The following TTLL11 variants were observed in gnomAD, a reference collection of about 807,000 sequenced individuals.
The protein encoded by TTLL11 is tubulin polyglutamylase TTLL11.
In TTLL11, 42 loss-of-function variants were observed where a neutral mutation model predicts 51.7. The ratio of observed to expected loss-of-function variants is 0.81; its 90% CI spans 0.64 to 1.05. TTLL11 has a LOEUF of 1.05. Ranked by LOEUF, TTLL11 falls within the 50% of genes least tolerant of loss-of-function variation. The probability of loss-of-function intolerance (pLI) is 0.00; values close to 1 mark genes in which losing one functional copy is unlikely to be tolerated. For missense variants in TTLL11, 799 were observed against 940.4 expected (o/e 0.85, Z 1.97); for synonymous variants, 381 against 383.5 (o/e 0.99, Z 0.08).
intron 3 of TTLL11, among the ~76,000 whole-genome samples, chr9:122,028,873 A>G (rs902355565): frequency 6.6e-6 from 1 of 152,250 alleles, no homozygotes; most frequent in Admixed American, 6.5e-5. Context: ...AAATATTTGG[A>G]AAGTCCGCAA....
intron 6 of TTLL11, among the ~76,000 whole-genome samples, chr9:121,954,943 C>T (rs188966155): frequency 6.6e-6 from 1 of 152,116 alleles, no homozygotes; most frequent in Admixed American, 6.5e-5. Context: ...ATAAACAGAC[C>T]ACATGCAAGG....
chr9:121,836,045 C>T (rs1381497385), intron 8 of TTLL11, among the ~76,000 whole-genome samples: 2 of 152,244 alleles, frequency 1.3e-5, no homozygotes, highest in Non-Finnish European at 1.5e-5. Flanking sequence ...CTGTATACAA[C>T]ACGTGCTTAA....
At chr9:121,967,756 C>T (rs1842445087) in intron 6 of TTLL11, among the ~76,000 whole-genome samples, 1 of 152,184 alleles carries the variant, frequency 6.6e-6, no homozygotes, top group Non-Finnish European at 1.5e-5. Flanking sequence ...TGTCCATCAA[C>T]TGACAAATGA....
At position 121,853,998 on chromosome 9, in the gene TTLL11, C is replaced by T. The variant is rs896358963; in HGVS notation, c.1840+6339G>A. On this transcript the variant is annotated intron_variant, in intron 8 of 8. Transcript: ENST00000321582. This position sits in a 1 kb window ranked among gnomAD's most constrained non-coding sequence, Gnocchi z 5.6. ...AGCATTTTCCACAGGCAGACATGGC[C>T]CTGAGCGCTTTCCGTGTTTTGTTTC... Among the ~76,000 whole-genome samples, 2 of 152,140 alleles carry T rather than the reference C, an allele frequency of 1.3e-5. No individual in the cohort carries two copies. The highest frequency in any genetic ancestry group is 4.8e-5 in the African/African-American group (2 of 41,422).
At chr9:122,029,704 T>A (rs1480549350) in intron 3 of TTLL11, among the ~76,000 whole-genome samples, 1 of 152,012 alleles carries the variant, frequency 6.6e-6, no homozygotes, top group Non-Finnish European at 1.5e-5. Context: ...TCGAAGAAAA[T>A]TTTTTAAAAA....
intron 1 of TTLL11, among the ~76,000 whole-genome samples, chr9:122,054,766 A>G (rs1177799272): frequency 6.6e-6 from 1 of 152,180 alleles, no homozygotes; most frequent in Non-Finnish European, 1.5e-5. Flanking sequence ...AATTATATCA[A>G]TTCACCACTA....
intron 3 of TTLL11, among the ~76,000 whole-genome samples, chr9:122,000,445 C>T (rs991850291): frequency 1.6e-5 from 2 of 124,850 alleles, no homozygotes; most frequent in Non-Finnish European, 3.2e-5. Flanking sequence ...GCACTCCAGC[C>T]TGGGTGACAG....
rs202010933 is a variant in TTLL11, at chr9:121,899,394, TATATATATAC to T, written c.1482-28656_1482-28647del. Among the ~76,000 whole-genome samples the T allele has an allele frequency of 7.1e-3, 920 of 129,050 alleles. 5 individuals carry two copies. Among genetic ancestry groups the T allele is most frequent in the Middle Eastern group, 0.013 (3 of 236 alleles). 84.7% of individuals were successfully genotyped at this position (129,050 alleles called of 152,430 possible). The stretch of plus-strand genomic sequence containing the variant: ...ATATATATACATATATATATATATA[TATATATATAC>T]ACACACACACACATTTAGAGACAGA... On this transcript the variant is annotated intron_variant, in intron 6 of 8. Transcript: ENST00000321582.
intron 6 of TTLL11, among the ~76,000 whole-genome samples, chr9:121,931,583 T>TAAAAAAAA (rs1564311677): frequency 1.9e-5 from 2 of 103,826 alleles, no homozygotes; most frequent in African/African-American, 3.3e-5. Flanking sequence ...TTTCTACTAT[T>TAAAAAAAA]TAAAAAAAAA....
intron 6 of TTLL11, among the ~76,000 whole-genome samples, chr9:121,955,661 GC>G (rs1339800487): frequency 6.6e-6 from 1 of 152,172 alleles, no homozygotes; most frequent in Non-Finnish European, 1.5e-5. Flanking sequence ...AGAGTCCTTT[GC>G]CTTTTCCACT....
rs960767032 is a variant in TTLL11, at chr9:122,061,789, C to A, written c.463-22421G>T. On this transcript the variant is annotated intron_variant, in intron 1 of 8. Coordinates refer to ENST00000321582, the MANE Select transcript of TTLL11 (RefSeq NM_001139442.2). Reference sequence around the variant, plus strand: ...AGTAGCTGGGACTATAGACACCCACCACCACGCCCTGCTAATTTTTGTATT... The same window carrying A: ...AGTAGCTGGGACTATAGACACCCACAACCACGCCCTGCTAATTTTTGTATT... Among the ~76,000 whole-genome samples, 3 of 152,230 alleles carry A rather than the reference C, an allele frequency of 2.0e-5. No homozygotes were observed. The East Asian group carries it at 5.8e-4, about 29-fold the overall frequency.
chr9:122,051,996 G>C (rs533752580), intron 1 of TTLL11, among the ~76,000 whole-genome samples: 1 of 152,180 alleles, frequency 6.6e-6, no homozygotes, highest in Admixed American at 6.5e-5. Context: ...AAAGGACTAA[G>C]CAACTGCCCT....
chr9:121,956,517 C>T (rs1441123306), intron 6 of TTLL11, among the ~76,000 whole-genome samples: 1 of 152,240 alleles, frequency 6.6e-6, no homozygotes, highest in Non-Finnish European at 1.5e-5. Flanking sequence ...CCCTGTATTA[C>T]TGGCAAGCTC....
At chr9:122,041,250 C>T (rs1844838545) in intron 1 of TTLL11, among the ~76,000 whole-genome samples, 2 of 152,102 alleles carry the variant, frequency 1.3e-5, no homozygotes, top group Admixed American at 1.3e-4. Context: ...TAATTAAGTC[C>T]CAGGATTTCA....
At chr9:121,981,509 C>T (rs1185251960) in intron 4 of TTLL11, among the ~76,000 whole-genome samples, 1 of 152,186 alleles carries the variant, frequency 6.6e-6, no homozygotes, top group Non-Finnish European at 1.5e-5. Flanking sequence ...CTGCTAGTTT[C>T]ATCATTTCTG....
In TTLL11 at chr9:121,820,976, A is replaced by C. The variant is rs1157352717; in HGVS notation, c.*1611T>G. Among the ~76,000 whole-genome samples, 4 of 151,718 alleles carry C rather than the reference A, an allele frequency of 2.6e-5. No homozygotes were observed. The highest frequency in any genetic ancestry group is 4.4e-5 in the Non-Finnish European group (3 of 67,936). On this transcript the variant is annotated 3_prime_UTR_variant, in exon 9 of 9. Transcript: ENST00000321582. Reference sequence around the variant, plus strand: ...CTGCGCGGCAGCCACACCGTGGGGGAAACAGGTTTTCCTCTTTGAGAGGGT... The same window carrying C: ...CTGCGCGGCAGCCACACCGTGGGGGCAACAGGTTTTCCTCTTTGAGAGGGT...
intron 8 of TTLL11, among the ~76,000 whole-genome samples, chr9:121,841,040 T>C (rs535450550): frequency 4.6e-5 from 7 of 152,122 alleles, no homozygotes; most frequent in East Asian, 1.9e-4. Context: ...GGAGAGAGCA[T>C]GGCTGTTTGG....
chr9:122,065,629 G>A (rs1252913955), intron 1 of TTLL11, among the ~76,000 whole-genome samples: 11 of 152,252 alleles, frequency 7.2e-5, no homozygotes, highest in Admixed American at 5.2e-4. Flanking sequence ...CAAACAACCC[G>A]GGTTCAAATC....
intron 7 of TTLL11, among the ~76,000 whole-genome samples, chr9:121,867,084 G>A (rs553031235): frequency 6.6e-6 from 1 of 152,282 alleles, no homozygotes; most frequent in Admixed American, 6.5e-5. Context: ...TTCTTGGTTA[G>A]AGCCATTCTC....
Sources: allele counts gnomAD v4.1 joint callset (sites outside exome capture counted in the v4.1 genomes callset), GRCh38; gene constraint gnomAD v4.1.1; non-coding constraint Gnocchi (gnomAD v3.1); transcripts MANE v1.5; gene names NCBI Gene and HGNC (gene_info 2026-07-23, HGNC 2026-07-21).